LARP4: variants seen among roughly 807,000 people sequenced by gnomAD.
LARP4 encodes La ribonucleoprotein 4.
LARP4 carries 29 observed loss-of-function variants against 92.9 expected under a neutral mutation model. The observed-to-expected ratio is 0.31, with a 90% CI of 0.23 to 0.43. The LOEUF (loss-of-function observed/expected upper bound fraction) is 0.43. LARP4 is among the 20% of genes least tolerant of loss of function. LARP4 has a pLI of 1.00. For missense variants in LARP4, 732 were observed against 860.0 expected, an observed-to-expected ratio of 0.85 and a Z score of 1.86; for synonymous variants, 279 against 284.1, an observed-to-expected ratio of 0.98 and a Z score of 0.18.
At chr12:50,463,418 TCCAA>T (rs1158269464) in intron 12 of LARP4, among the ~76,000 whole-genome samples, 2 of 32,218 alleles carry the variant, frequency 6.2e-5, no homozygotes, top group Admixed American at 5.2e-4. Flanking sequence ...ACCCCATCTC[TCCAA>T]AAAAAAAAAA....
intron 1 of LARP4, among the ~76,000 whole-genome samples, chr12:50,424,181 C>T (rs1948349433): frequency 6.6e-6 from 1 of 152,060 alleles, no homozygotes; most frequent in African/African-American, 2.4e-5. Context: ...CTAGCCTGGG[C>T]AACATAATGA....
intron 1 of LARP4, chr12:50,412,482 C>A: frequency 1.1e-6 from 1 of 874,798 alleles, no homozygotes; most frequent in Non-Finnish European, 1.4e-6. Context: ...TATGTATGTC[C>A]GAAGAGACGG....
chr12:50,441,702 T>A (rs541985789), intron 8 of LARP4, 59 bp downstream of exon 8: 4 of 1,225,192 alleles, frequency 3.3e-6, no homozygotes, highest in South Asian at 1.3e-5. Flanking sequence ...TATGAGAATT[T>A]AAAAAATACA....
chr12:50,429,936 G>A (rs1593000923), intron 3 of LARP4, among the ~76,000 whole-genome samples: 1 of 152,028 alleles, frequency 6.6e-6, no homozygotes, highest in Non-Finnish European at 1.5e-5. Flanking sequence ...CACCATGCCC[G>A]GCCTTTAAGT....
chr12:50,404,226 C>CA (rs930090080), intron 1 of LARP4, among the ~76,000 whole-genome samples: 16 of 151,114 alleles, frequency 1.1e-4, no homozygotes, highest in African/African-American at 2.7e-4. Context: ...GACTCTGTCT[C>CA]AAAAAAAAGA....
chr12:50,422,990 T>TG lies in LARP4; in HGVS notation c.19-4772_19-4771insG, dbSNP rs1592914114. Among the ~76,000 whole-genome samples, 7 of 151,808 alleles carry TG rather than the reference T, an allele frequency of 4.6e-5. No individual in the cohort carries two copies. In the East Asian group the frequency reaches 1.4e-3, roughly 29 times the overall value. On this transcript the variant is annotated intron_variant, in intron 1 of 15. Coordinates refer to ENST00000398473, the MANE Select transcript of LARP4 (RefSeq NM_052879.5). ...CTGCCACCATGCTTGGCTAATTTTTTTGTATGTTTAGTAGCGACGGGGTTT... is the reference window on the plus strand; with the variant it reads ...CTGCCACCATGCTTGGCTAATTTTTTGTGTATGTTTAGTAGCGACGGGGTTT...
intron 5 of LARP4, among the ~76,000 whole-genome samples, chr12:50,435,920 G>C (rs1950334378): frequency 6.6e-6 from 1 of 151,774 alleles, no homozygotes; most frequent in South Asian, 2.1e-4. Context: ...TGGGACCCCA[G>C]GCGCACACCA....
In LARP4 at chr12:50,475,564, G is replaced by A. The variant is rs781412492; in HGVS notation, c.1875G>A (p.Lys625=). ...RKLSYAEVCQ[K]PPKEPSSVLV... ...TAAGTTATGCTGAAGTGTGCCAGAA[G>A]CCCCCTAAAGAGCCATCTTCAGTTC... Residue 625 remains lysine (K), a synonymous_variant, in exon 16 of 16, where the codon AAG becomes AAA. Coordinates refer to ENST00000398473, the MANE Select transcript of LARP4 (RefSeq NM_052879.5). The A allele has an allele frequency of 6.2e-7, 1 of 1,613,822 alleles. No individual in the cohort carries two copies. Among genetic ancestry groups the A allele is most frequent in the East Asian group, 2.2e-5 (1 of 44,874 alleles).
intron 1 of LARP4, among the ~76,000 whole-genome samples, chr12:50,403,805 C>G (rs942699443): frequency 2.6e-5 from 4 of 152,200 alleles, no homozygotes; most frequent in Non-Finnish European, 5.9e-5. Context: ...ATAACAATAA[C>G]AACAGTAGTA....
intron 11 of LARP4, among the ~76,000 whole-genome samples, chr12:50,461,819 A>C (rs1336446879): frequency 6.6e-6 from 1 of 151,924 alleles, no homozygotes. Flanking sequence ...TTAGCTGGGC[A>C]TGGTGGCAGG....
At chr12:50,431,920 C>T (rs547358097) in intron 4 of LARP4, among the ~76,000 whole-genome samples, 1 of 152,232 alleles carries the variant, frequency 6.6e-6, no homozygotes, top group South Asian at 2.1e-4. Flanking sequence ...AGGTGGATCA[C>T]CTGAGGTCAG....
At chr12:50,436,051 CTGTGTGTGTGTGTGTG>C (rs57676021) in intron 5 of LARP4, among the ~76,000 whole-genome samples, 94,832 of 137,702 alleles carry the variant, frequency 0.69, 38,028 homozygotes, top group Non-Finnish European at 0.91. Context: ...TTTACTGACT[CTGTGTGTGTGTGTGTG>C]TGTGTGTGTG....
chr12:50,403,708 G>A (rs148012765), intron 1 of LARP4, among the ~76,000 whole-genome samples: 68 of 152,238 alleles, frequency 4.5e-4, no homozygotes, highest in Admixed American at 1.4e-3. Context: ...CTGCAGTTGT[G>A]TTCAATACCT....
intron 1 of LARP4, chr12:50,421,146 G>A (rs533329035): frequency 1.3e-4 from 25 of 191,180 alleles, no homozygotes; most frequent in African/African-American, 5.3e-4. Context: ...AGACGGTTTC[G>A]CTGTATGTTG....
At chr12:50,413,050 C>T (rs1946176467) in intron 1 of LARP4, among the ~76,000 whole-genome samples, 1 of 151,846 alleles carries the variant, frequency 6.6e-6, no homozygotes, top group Non-Finnish European at 1.5e-5. Flanking sequence ...GGTGAAACCC[C>T]GTCTCTACTA....
At chr12:50,433,616 T>G (rs540732410) in intron 4 of LARP4, among the ~76,000 whole-genome samples, 1 of 151,942 alleles carries the variant, frequency 6.6e-6, no homozygotes, top group South Asian at 2.1e-4. Context: ...ATAGTTGTCT[T>G]ATTTTCAGAT....
At chr12:50,402,536 C>T (rs10506293) in intron 1 of LARP4, 21,097 of 217,086 alleles carry the variant, frequency 0.097, 2,253 homozygotes, top group East Asian at 0.48. Context: ...TTTATATTGA[C>T]AGGAACTCCA....
At position 50,415,011 on chromosome 12, in the gene LARP4, T is replaced by C. The variant is rs185580628; in HGVS notation, c.19-12751T>C. 1.6e-3 allele frequency among the ~76,000 whole-genome samples: 242 copies of C among 152,236 alleles called. 2 individuals carry two copies. Among genetic ancestry groups the C allele is most frequent in the African/African-American group, 5.6e-3 (232 of 41,530 alleles). ...TGGGGTCAGGAGTTCGAGACCAGCC[T>C]GGCCAACATTGTGAAACCCTGTGTC... On this transcript the variant is annotated intron_variant, in intron 1 of 15. Coordinates refer to ENST00000398473, the MANE Select transcript of LARP4 (RefSeq NM_052879.5).
chr12:50,448,935 C>A (rs1486571512), intron 8 of LARP4, among the ~76,000 whole-genome samples: 2 of 152,132 alleles, frequency 1.3e-5, no homozygotes, highest in Non-Finnish European at 2.9e-5. Flanking sequence ...CCTGATTCCC[C>A]TTCTTTCTCG....
Sources: allele counts gnomAD v4.1 joint callset (sites outside exome capture counted in the v4.1 genomes callset), GRCh38; gene constraint gnomAD v4.1.1; transcripts MANE v1.5; gene names NCBI Gene and HGNC (gene_info 2026-07-23, HGNC 2026-07-21).